TMEM63A: variants seen among roughly 807,000 people sequenced by gnomAD.
TMEM63A encodes the protein mechanosensitive cation channel TMEM63A.
Under a neutral mutation model 100.6 loss-of-function variants are expected in TMEM63A, and 76 were observed. That is an observed-to-expected ratio of 0.76 (90% CI 0.63 to 0.91). The LOEUF is 0.91. Ranked by LOEUF, TMEM63A falls within the 40% of genes least tolerant of loss-of-function variation. TMEM63A has a pLI of 0.00. For missense variants in TMEM63A, 876 were observed against 1,008.8 expected (o/e 0.87, Z 1.78); for synonymous variants, 401 against 401.1 (o/e 1.00, Z 0.00).
chr1:225,854,565 G>A (rs907706132), intron 18 of TMEM63A, among the ~76,000 whole-genome samples: 3 of 152,192 alleles, frequency 2.0e-5, no homozygotes, highest in Admixed American at 2.0e-4. Context: ...ATATGGAATG[G>A]GGAAAGTTGT....
rs1670480718 is a variant in TMEM63A, at chr1:225,870,986, C to T, written c.371+90G>A. On this transcript the variant is annotated intron_variant, in intron 6 of 24. Coordinates refer to ENST00000366835, the MANE Select transcript of TMEM63A (RefSeq NM_014698.3). ...TATCTAAGAGACACCATCTTAAGAT[C>T]AAGCATCTTGGCTCTTGCCTCTTGA... The T allele has an allele frequency of 3.0e-6, 4 of 1,343,934 alleles. No individual in the cohort carries two copies. In the East Asian group the frequency reaches 9.3e-5, roughly 31 times the overall value. The allele number at this position is 1,343,934 out of a possible 1,614,324, so 83.3% of individuals were successfully genotyped here.
At chr1:225,861,055 G>A in intron 13 of TMEM63A, 58 bp from the exon 14 acceptor site, 1 of 1,555,714 alleles carries the variant, frequency 6.4e-7, no homozygotes, top group South Asian at 1.2e-5. Flanking sequence ...AAGCACACAT[G>A]TGGCAAGTGG....
chr1:225,848,567 G>C lies in TMEM63A; in HGVS notation c.2188-13C>G. ...CAGGCTCTTCTGTCTGCAGATAACA[G>C]CAAAAACTTGCGATGATAAACAAAA... On this transcript the variant is annotated splice_polypyrimidine_tract_variant and intron_variant, in intron 22 of 24. Coordinates refer to ENST00000366835, the MANE Select transcript of TMEM63A (RefSeq NM_014698.3). 1 of 1,613,770 alleles carries C rather than the reference G, an allele frequency of 6.2e-7. No homozygotes were observed. The highest frequency in any genetic ancestry group is 8.5e-7 in the Non-Finnish European group (1 of 1,179,972).
At chr1:225,844,524 C>T (rs1347464855), downstream of TMEM63A, 4 of 1,614,166 alleles carry the variant, frequency 2.5e-6, no homozygotes, top group East Asian at 6.7e-5. Context: ...GACCTGCTGA[C>T]CAACGTCATG....
chr1:225,857,376 C>CGGGGTGGGGGGGGGGGGGGGG lies in TMEM63A; in HGVS notation c.1378-360_1378-359insCCCCCCCCCCCCCCCCACCCC, dbSNP rs1213111924. 9.5e-3 allele frequency among the ~76,000 whole-genome samples: 31 copies of CGGGGTGGGGGGGGGGGGGGGG among 3,252 alleles called. 1 individual carries two copies. Among genetic ancestry groups the CGGGGTGGGGGGGGGGGGGGGG allele is most frequent in the African/African-American group, 0.018 (28 of 1,600 alleles). The allele number at this position is 3,252 out of a possible 152,430, so 2.1% of individuals were successfully genotyped here. On this transcript the variant is annotated intron_variant, in intron 15 of 24. Transcript: ENST00000366835. ...AACACCGAAGGCCTGGAGTCCTGGC[C>CGGGGTGGGGGGGGGGGGGGGG]GGCGGGGCGGGGGGGGGGGGGTGCC...
In TMEM63A at chr1:225,877,794, A is replaced by G. The variant is rs1465627680; in HGVS notation, c.-14-200T>C. On this transcript the variant is annotated intron_variant, in intron 2 of 24. Transcript: ENST00000366835. ...CCACAGAGAATGGCTGCATTGTGGG[A>G]CAATCTCAGGGGATCAGATGGTCAG... 11 of 533,040 alleles carry G rather than the reference A, an allele frequency of 2.1e-5. 1 individual carries two copies. The highest frequency in any genetic ancestry group is 3.7e-5 in the Non-Finnish European group (11 of 299,460). The allele number at this position is 533,040 out of a possible 1,614,324, so 33.0% of individuals were successfully genotyped here. A position where few individuals can be genotyped will look rare whatever the true frequency, so the allele number is the denominator to read the frequency against.
In TMEM63A at chr1:225,853,513, G is replaced by A; in HGVS notation, c.1797+116C>T. 9.0e-7 allele frequency: 1 copy of A among 1,107,452 alleles called. No individual in the cohort carries two copies. Among genetic ancestry groups the A allele is most frequent in the Non-Finnish European group, 1.2e-6 (1 of 803,716 alleles). 68.6% of individuals were successfully genotyped at this position (1,107,452 alleles called of 1,614,324 possible). Reference sequence around the variant, plus strand: ...CTTAGCCCAGTGCCTGCACTAGTGGGTAGTCAGGTAAATGCTACCCACTAG... The same window carrying A: ...CTTAGCCCAGTGCCTGCACTAGTGGATAGTCAGGTAAATGCTACCCACTAG... On this transcript the variant is annotated intron_variant, in intron 19 of 24. Coordinates refer to ENST00000366835, the MANE Select transcript of TMEM63A (RefSeq NM_014698.3). This position sits in a 1 kb window ranked among gnomAD's most constrained non-coding sequence, Gnocchi z 4.0.
Position 225,867,966 on chromosome 1 carries a change from T to C in TMEM63A, c.436A>G (p.Ile146Val), listed in dbSNP as rs752507825. The change falls in exon 7 of 25, where the codon ATC (isoleucine) becomes GTC (valine). Residue 146 changes from isoleucine to valine, a missense_variant. Ile to Val is a conservative substitution (Grantham distance 29). Around this residue, in one of 5 missense-constraint regions of TMEM63A, gnomAD observed 487 missense variants for 581.9 expected, o/e 0.84. Transcript: ENST00000366835. This position sits in a 1 kb window ranked among gnomAD's most constrained non-coding sequence, Gnocchi z 4.6. Reference protein sequence around the residue: ...AIHYLSFQRHIIFLLVVVSFL... With the variant: ...AIHYLSFQRHVIFLLVVVSFL... ...CTGACCACCACCAACAGGAAGATGA[T>C]GTGCCTCTGGAAGGACAGGTAGTGG... The C allele has an allele frequency of 4.3e-6, 7 of 1,614,134 alleles. No homozygotes were observed. In the South Asian group the frequency reaches 5.5e-5, roughly 13 times the overall value.
chr1:225,865,866 G>A lies in TMEM63A; in HGVS notation c.746+31C>T, dbSNP rs185498164. ...GCTGTGTTGGTCCTACGTGGAGGGG[G>A]CTCAGCTCCCCTCCCACCCCACCTG... is the stretch of plus-strand genomic sequence containing the variant. On this transcript the variant is annotated intron_variant, in intron 10 of 24. Transcript: ENST00000366835. The surrounding 1 kb of genome is among the most constrained non-coding windows in gnomAD (Gnocchi z 4.6). 6.0e-4 allele frequency: 961 copies of A among 1,607,910 alleles called. 7 individuals carry two copies. In the African/African-American group the frequency reaches 9.4e-3, roughly 16 times the overall value.
chr1:225,843,554 C>A (rs45494695), downstream of TMEM63A, among the ~76,000 whole-genome samples: 2 of 152,170 alleles, frequency 1.3e-5, no homozygotes, highest in African/African-American at 4.8e-5. Context: ...GGGGGTCTGG[C>A]CTGCTCCTTG....
downstream of TMEM63A, among the ~76,000 whole-genome samples, chr1:225,844,780 G>A (rs1668789928): frequency 6.6e-6 from 1 of 152,182 alleles, no homozygotes; most frequent in Non-Finnish European, 1.5e-5. Flanking sequence ...AGGTCGAGGT[G>A]TTTGGAGAAA....
chr1:225,857,378 G>GGGT (rs1325366813), intron 15 of TMEM63A, among the ~76,000 whole-genome samples: 20 of 20,872 alleles, frequency 9.6e-4, no homozygotes, highest in Middle Eastern at 7.2e-3. Context: ...GTCCTGGCCG[G>GGGT]CGGGGCGGGG....
chr1:225,859,740 G>A (rs1338911059), intron 14 of TMEM63A: 4 of 197,398 alleles, frequency 2.0e-5, no homozygotes, highest in East Asian at 3.2e-4. Context: ...CTGCCTCCCA[G>A]GTTCAAGCAA....
chr1:225,845,530 C>G (rs897049730), downstream of TMEM63A: 1 of 637,678 alleles, frequency 1.6e-6, no homozygotes, highest in Non-Finnish European at 2.7e-6. Context: ...TGGTAAGCAA[C>G]ATGGCTTTGA....
chr1:225,849,942 A>T lies in TMEM63A; in HGVS notation c.2041T>A (p.Trp681Arg), dbSNP rs1559033511. 1.2e-6 allele frequency: 2 copies of T among 1,614,078 alleles called. No homozygotes were observed. The change falls in exon 21 of 25, where the codon TGG becomes AGG. Residue 681 changes from tryptophan to arginine, a missense_variant. Transcript: ENST00000366835. Reference sequence around the variant, plus strand: ...CGCAGGAAGGAAAAGAAGTAGAGCCAGAAGAGGCACAGGATGGGGGCTGCC... The same window carrying T: ...CGCAGGAAGGAAAAGAAGTAGAGCCTGAAGAGGCACAGGATGGGGGCTGCC... ...ALAAPILCLF[W>R]LYFFSFLRLG...
chr1:225,868,949 G>A (rs1670355532), intron 6 of TMEM63A, among the ~76,000 whole-genome samples: 1 of 152,194 alleles, frequency 6.6e-6, no homozygotes, highest in African/African-American at 2.4e-5. Flanking sequence ...CCAGACTTCT[G>A]TGCTACAGAG....
At chr1:225,859,084 C>A in intron 15 of TMEM63A, 112 bp downstream of exon 15, 1 of 1,471,456 alleles carries the variant, frequency 6.8e-7, no homozygotes, top group Non-Finnish European at 9.3e-7. Context: ...CAACATGACC[C>A]ACTGGTTTAG....
downstream of TMEM63A, chr1:225,844,998 G>A (rs549036583): frequency 4.5e-5 from 40 of 881,000 alleles, no homozygotes; most frequent in African/African-American, 4.0e-4. Context: ...AGGGGAGAGC[G>A]GTTGAGACCC....
Position 225,871,086 on chromosome 1 carries a change from A to C in TMEM63A, c.361T>G (p.Phe121Val). The C allele has an allele frequency of 6.2e-7, 1 of 1,614,106 alleles. No homozygotes were observed. Among genetic ancestry groups the C allele is most frequent in the South Asian group, 1.1e-5 (1 of 91,076 alleles). ...CCCGGGTGTACTCACTGCAGACGGAAGATGGCAGTCAGCCAGGGACAGCAT... is the reference window on the plus strand; with the variant it reads ...CCCGGGTGTACTCACTGCAGACGGACGATGGCAGTCAGCCAGGGACAGCAT... ...LGCCPWLTAI[F>V]RLHDDQILEW... The change falls in exon 6 of 25, where the codon TTC becomes GTC. Residue 121 changes from phenylalanine (F) to valine (V), a missense_variant. Physicochemically the swap from Phe to Val is conservative, Grantham distance 50. Coordinates refer to ENST00000366835, the MANE Select transcript of TMEM63A (RefSeq NM_014698.3).
Sources: gnomAD v4.1 joint callset for allele counts (sites outside exome capture counted in the v4.1 genomes callset) on GRCh38, gnomAD v4.1.1 for gene constraint, gnomAD v4.1.1 regional missense constraint, Gnocchi (gnomAD v3.1) non-coding constraint, MANE v1.5 for transcripts, NCBI Gene and HGNC (gene_info 2026-07-23, HGNC 2026-07-21) for gene names.